Variants in FAT1 observed in about 807,000 individuals in gnomAD.
FAT1 encodes the protein protocadherin Fat 1.
A neutral mutation model predicts 329.8 loss-of-function variants in FAT1; 171 were observed. The observed-to-expected ratio is 0.52, with a 90% CI of 0.46 to 0.59. The LOEUF (loss-of-function observed/expected upper bound fraction) is 0.59. FAT1 is among the 20% of genes least tolerant of loss of function. The probability of loss-of-function intolerance (pLI) is 0.00; values close to 1 mark genes in which losing one functional copy is unlikely to be tolerated. For missense variants in FAT1, 5,672 were observed against 5,774.4 expected (o/e 0.98, Z 0.57); for synonymous variants, 2,233 against 2,228.6 (o/e 1.00, Z -0.06).
intron 16 of FAT1, 110 bp from the exon 17 acceptor site, chr4:186,606,323 T>C (rs1204776151): frequency 7.0e-6 from 8 of 1,137,430 alleles, no homozygotes; most frequent in Non-Finnish European, 5.0e-6. Context: ...GAGCTACCAC[T>C]ATCTGTTGCA....
chr4:186,651,558 G>A (rs928013394), intron 3 of FAT1, among the ~76,000 whole-genome samples: 1 of 152,272 alleles, frequency 6.6e-6, no homozygotes, highest in East Asian at 1.9e-4. Flanking sequence ...ATACAATAAT[G>A]AATGAAGGTG....
At chr4:186,676,889 A>G (rs1323421914) in intron 2 of FAT1, among the ~76,000 whole-genome samples, 1 of 152,190 alleles carries the variant, frequency 6.6e-6, no homozygotes, top group Non-Finnish European at 1.5e-5. Flanking sequence ...AAACCCTAAG[A>G]ATCATATGCA....
intron 16 of FAT1, 92 bp from the exon 17 acceptor site, chr4:186,606,305 G>C (rs560661076): frequency 1.4e-5 from 19 of 1,368,662 alleles, no homozygotes; most frequent in South Asian, 5.7e-5. Flanking sequence ...TGACGGGCAG[G>C]TCCCAGTGAG....
chr4:186,716,398 T>A (rs1745205007), intron 1 of FAT1, among the ~76,000 whole-genome samples: 1 of 152,116 alleles, frequency 6.6e-6, no homozygotes, highest in Non-Finnish European at 1.5e-5. Context: ...GTCACATTTT[T>A]AAAGTATTTT....
In FAT1 at chr4:186,637,685, C is replaced by T. The variant is rs566668179; in HGVS notation, c.3643-771G>A. Among the ~76,000 whole-genome samples, 5 of 152,254 alleles carry T rather than the reference C, an allele frequency of 3.3e-5. No homozygotes were observed. In the South Asian group the frequency reaches 1.0e-3, roughly 32 times the overall value. ...ATTTCACCCTTAAATCAAATGTTCACGTTTACGTCAATGGGCACATTAAAT... is the reference window on the plus strand; with the variant it reads ...ATTTCACCCTTAAATCAAATGTTCATGTTTACGTCAATGGGCACATTAAAT... On this transcript the variant is annotated intron_variant, in intron 4 of 26. Transcript: ENST00000441802.
At chr4:186,611,857 T>G in intron 13 of FAT1, 82 bp from the exon 14 acceptor site, 2 of 1,100,464 alleles carry the variant, frequency 1.8e-6, no homozygotes, top group South Asian at 3.3e-5. Context: ...GGAGTCTCCC[T>G]CTGTCGCCCA....
In FAT1 at chr4:186,619,445, T is replaced by A; in HGVS notation, c.7141A>T (p.Thr2381Ser). 1 of 1,613,964 alleles carries A rather than the reference T, an allele frequency of 6.2e-7. No homozygotes were observed. The highest frequency in any genetic ancestry group is 8.5e-7 in the Non-Finnish European group (1 of 1,179,872). Residue 2381 changes from threonine to serine, a missense_variant, in exon 10 of 27, where the codon ACC becomes TCC. Thr to Ser is a moderately conservative substitution (Grantham distance 58). Around this residue, in one of 2 missense-constraint regions of FAT1, gnomAD observed 3,966 missense variants for 3,915.2 expected, o/e 1.01. Coordinates refer to ENST00000441802, the MANE Select transcript of FAT1 (RefSeq NM_005245.4). ...AGTGGTGGATTATCATTGAGGTCGG[T>A]AACGTCCACCGTGACAATCACATCA... ...SSDVIVTVDVTDLNDNPPLFE... is the reference protein window; with the variant it reads ...SSDVIVTVDVSDLNDNPPLFE...
rs2126428502 is a variant in FAT1, at chr4:186,603,460, T to A, written c.11066A>T (p.His3689Leu). 1 of 1,613,964 alleles carries A rather than the reference T, an allele frequency of 6.2e-7. No homozygotes were observed. Among genetic ancestry groups the A allele is most frequent in the Non-Finnish European group, 8.5e-7 (1 of 1,179,894 alleles). ...QIVSLQSSEP[H>L]PHLDVLLFVE... ...AAAAAGTAAGACGTCCAGATGTGGGTGAGGTTCAGAGGACTGCAAACTAAC... is the reference window on the plus strand; with the variant it reads ...AAAAAGTAAGACGTCCAGATGTGGGAGAGGTTCAGAGGACTGCAAACTAAC... The change falls in exon 19 of 27, where the codon CAC (histidine) becomes CTC (leucine). Residue 3689 changes from histidine (H) to leucine (L), a missense_variant. By Grantham distance (99) the His-to-Leu change is moderately conservative (BLOSUM62 -3). Around this residue, in one of 2 missense-constraint regions of FAT1, gnomAD observed 1,706 missense variants for 1,859.1 expected, o/e 0.92. Transcript: ENST00000441802.
chr4:186,664,627 T>C (rs1271795604), intron 2 of FAT1, among the ~76,000 whole-genome samples: 1 of 152,218 alleles, frequency 6.6e-6, no homozygotes, highest in Non-Finnish European at 1.5e-5. Flanking sequence ...CAAGCCAGGA[T>C]TTACCTCCTC....
intron 2 of FAT1, among the ~76,000 whole-genome samples, chr4:186,668,764 TAG>T (rs1185933505): frequency 3.3e-5 from 5 of 152,282 alleles, no homozygotes; most frequent in Non-Finnish European, 7.4e-5. Context: ...CTCAATTCCA[TAG>T]AGAGAAACAA....
At chr4:186,685,055 A>G (rs78259516) in intron 2 of FAT1, among the ~76,000 whole-genome samples, 3,579 of 152,230 alleles carry the variant, frequency 0.024, 173 homozygotes, top group East Asian at 0.16. Flanking sequence ...CACAGTCTCA[A>G]AGCCAGAGTG....
At chr4:186,672,004 C>T (rs1039065634) in intron 2 of FAT1, among the ~76,000 whole-genome samples, 11 of 152,232 alleles carry the variant, frequency 7.2e-5, no homozygotes, top group African/African-American at 2.4e-4. Context: ...ACAGGAAATG[C>T]TCTCAGAACT....
intron 5 of FAT1, 65 bp from the exon 6 acceptor site, chr4:186,636,300 A>C: frequency 6.9e-7 from 1 of 1,440,758 alleles, no homozygotes; most frequent in Non-Finnish European, 9.7e-7. Flanking sequence ...GAAATGAATG[A>C]AGCACAGACT....
chr4:186,594,738 CT>C (rs912879286), intron 26 of FAT1, among the ~76,000 whole-genome samples: 1 of 142,958 alleles, frequency 7.0e-6, no homozygotes, highest in Non-Finnish European at 1.5e-5. Context: ...TTATAGCTAT[CT>C]TTAGTTTGAA....
chr4:186,636,773 G>A lies in FAT1; in HGVS notation c.3784C>T (p.Arg1262Ter), dbSNP rs369805914. The A allele has an allele frequency of 6.2e-7, 1 of 1,613,910 alleles. No homozygotes were observed. Among genetic ancestry groups the A allele is most frequent in the Non-Finnish European group, 8.5e-7 (1 of 1,179,880 alleles). The change falls in exon 5 of 27, where the codon CGA (arginine) becomes TGA (stop). Residue 1262 changes from arginine to a stop codon, truncating the protein, a stop_gained. Coordinates refer to ENST00000441802, the MANE Select transcript of FAT1 (RefSeq NM_005245.4). LOFTEE classifies it high-confidence loss of function. ...IRLPEREKPD[R>*]ERNARREPLY... is the part of the protein sequence containing the mutation. ...GGCTCCCGTCTGGCATTTCTTTCTC[G>A]GTCTGGCTTTTCCCGCTCAGGGAGT...
intron 26 of FAT1, among the ~76,000 whole-genome samples, chr4:186,589,909 A>G (rs924186443): frequency 2.0e-5 from 3 of 152,176 alleles, no homozygotes; most frequent in Non-Finnish European, 4.4e-5. Context: ...ATAATAATGT[A>G]GCAAGTTTAA....
At chr4:186,666,688 A>G (rs1013082606) in intron 2 of FAT1, among the ~76,000 whole-genome samples, 21 of 152,264 alleles carry the variant, frequency 1.4e-4, no homozygotes, top group African/African-American at 4.8e-4. Flanking sequence ...ATTTACAAAC[A>G]GTGATAATTA....
At chr4:186,675,488 A>G (rs568517293) in intron 2 of FAT1, among the ~76,000 whole-genome samples, 55 of 152,214 alleles carry the variant, frequency 3.6e-4, no homozygotes, top group African/African-American at 1.3e-3. Flanking sequence ...AGCCAGATGT[A>G]GTGGCTCATG....
At chr4:186,610,693 ATTT>A in intron 14 of FAT1, among the ~76,000 whole-genome samples, 1 of 65,416 alleles carries the variant, frequency 1.5e-5, no homozygotes, top group African/African-American at 9.3e-5. Flanking sequence ...AAATTATATA[ATTT>A]ATATAAATAT....
Sources: allele counts gnomAD v4.1 joint callset (sites outside exome capture counted in the v4.1 genomes callset), GRCh38; gene constraint gnomAD v4.1.1; regional missense constraint gnomAD v4.1.1; transcripts MANE v1.5; gene names NCBI Gene and HGNC (gene_info 2026-07-23, HGNC 2026-07-21).